The following THADA variants were observed in gnomAD, a reference collection of about 807,000 sequenced individuals.
The protein encoded by THADA is tRNA (32-2'-O)-methyltransferase regulator THADA.
Under a neutral mutation model 219.8 loss-of-function variants are expected in THADA, and 213 were observed. That is an observed-to-expected ratio of 0.97 (90% CI 0.87 to 1.09). THADA has a LOEUF of 1.09. THADA is among the 50% of genes least tolerant of loss of function. THADA has a pLI of 0.00. For synonymous variants in THADA, 1,018 were observed against 828.9 expected, an observed-to-expected ratio of 1.23 and a Z score of -3.92; for missense variants, 2,956 against 2,311.3, an observed-to-expected ratio of 1.28 and a Z score of -5.72.
At chr2:43,512,480 C>A (rs2105110571) in intron 22 of THADA, among the ~76,000 whole-genome samples, 1 of 152,264 alleles carries the variant, frequency 6.6e-6, no homozygotes, top group African/African-American at 2.4e-5. Context: ...AATCTACTTA[C>A]AAGTTTTTTG....
At chr2:43,448,307 A>G (rs572451736) in intron 26 of THADA, among the ~76,000 whole-genome samples, 10 of 152,302 alleles carry the variant, frequency 6.6e-5, no homozygotes, top group African/African-American at 1.7e-4. Flanking sequence ...CAGCTAACCA[A>G]TCCCTAGCCT....
intron 28 of THADA, among the ~76,000 whole-genome samples, chr2:43,399,715 C>A (rs962358614): frequency 8.5e-5 from 13 of 152,236 alleles, no homozygotes; most frequent in African/African-American, 3.1e-4. Flanking sequence ...ACAGTTCCCA[C>A]AACTCATCCT....
intron 29 of THADA, among the ~76,000 whole-genome samples, chr2:43,346,965 C>T (rs1161878732): frequency 6.6e-6 from 1 of 152,172 alleles, no homozygotes; most frequent in Non-Finnish European, 1.5e-5. Flanking sequence ...TATATTCACT[C>T]CTTTAGGACA....
intron 25 of THADA, among the ~76,000 whole-genome samples, chr2:43,487,208 C>T (rs1558840573): frequency 6.6e-6 from 1 of 152,058 alleles, no homozygotes; most frequent in Non-Finnish European, 1.5e-5. Flanking sequence ...TGAGGTAGTT[C>T]CCAAAGACTT....
chr2:43,298,701 G>A (rs1291087286), intron 31 of THADA, among the ~76,000 whole-genome samples: 1 of 152,136 alleles, frequency 6.6e-6, no homozygotes, highest in African/African-American at 2.4e-5. Context: ...CTGGACTTGA[G>A]AGTTGGACAC....
chr2:43,590,733 T>C, intron 4 of THADA, 91 bp downstream of exon 4: 1 of 1,381,934 alleles, frequency 7.2e-7, no homozygotes, highest in Non-Finnish European at 1.0e-6. Flanking sequence ...TCTGTATCAG[T>C]TCAGTTTTAT....
At chr2:43,491,454 T>C (rs17334980) in intron 25 of THADA, among the ~76,000 whole-genome samples, 30,562 of 152,084 alleles carry the variant, frequency 0.2, 3,678 homozygotes, top group Non-Finnish European at 0.28. Flanking sequence ...GAAATGATAA[T>C]AGCTGTAATG....
At chr2:43,536,230 G>C (rs926690309) in intron 21 of THADA, among the ~76,000 whole-genome samples, 1 of 152,130 alleles carries the variant, frequency 6.6e-6, no homozygotes, top group Admixed American at 6.5e-5. Flanking sequence ...ATGAGAGTTC[G>C]TGGAGCCTTT....
chr2:43,383,623 G>C (rs1173755971), intron 29 of THADA, among the ~76,000 whole-genome samples: 1 of 152,126 alleles, frequency 6.6e-6, no homozygotes, highest in Non-Finnish European at 1.5e-5. Flanking sequence ...GTTTAACTGG[G>C]GATCTTGTGA....
chr2:43,534,420 G>C (rs1409040379), intron 21 of THADA, among the ~76,000 whole-genome samples: 5 of 152,042 alleles, frequency 3.3e-5, no homozygotes, highest in Non-Finnish European at 7.4e-5. Context: ...GAACACTAGA[G>C]CTTATTCTTC....
chr2:43,421,887 C>A (rs1677763874), intron 28 of THADA, among the ~76,000 whole-genome samples: 1 of 152,154 alleles, frequency 6.6e-6, no homozygotes, highest in Non-Finnish European at 1.5e-5. Context: ...GAATGGCATC[C>A]CAACTTCTTT....
chr2:43,297,596 T>C (rs1485982231), intron 31 of THADA, among the ~76,000 whole-genome samples: 1 of 70,082 alleles, frequency 1.4e-5, no homozygotes, highest in Non-Finnish European at 2.6e-5. Flanking sequence ...GGGAGGGAGG[T>C]GGGGGGGTCA....
At chr2:43,559,752 C>T (rs1240064143) in intron 16 of THADA, among the ~76,000 whole-genome samples, 2 of 152,192 alleles carry the variant, frequency 1.3e-5, no homozygotes, top group Admixed American at 6.5e-5. Context: ...CTCAAGTACT[C>T]GGTAAGTTTC....
intron 26 of THADA, among the ~76,000 whole-genome samples, chr2:43,445,945 G>A (rs1681473301): frequency 6.6e-6 from 1 of 152,194 alleles, no homozygotes; most frequent in African/African-American, 2.4e-5. Flanking sequence ...AGACAGGGAA[G>A]TGAAAGGTCT....
rs567564844 is a variant in THADA, at chr2:43,499,458, C to T, written c.3622-503G>A. On this transcript the variant is annotated intron_variant, in intron 24 of 37. Transcript: ENST00000405975. ...ATGGCACAGTCTCGGCTCACTACAACCTCCACCTCCCAGGTTCAAGCGATT... is the reference window on the plus strand; with the variant it reads ...ATGGCACAGTCTCGGCTCACTACAATCTCCACCTCCCAGGTTCAAGCGATT... Among the ~76,000 whole-genome samples, 25 of 152,268 alleles carry T rather than the reference C, an allele frequency of 1.6e-4. No homozygotes were observed. The South Asian group carries it at 5.0e-3, about 30-fold the overall frequency.
intron 29 of THADA, among the ~76,000 whole-genome samples, chr2:43,368,410 G>A (rs1321010119): frequency 1.3e-5 from 2 of 151,964 alleles, no homozygotes; most frequent in African/African-American, 2.4e-5. Flanking sequence ...ATACCACTTT[G>A]TTTTGAAAGA....
chr2:43,415,168 A>G (rs1676779860), intron 28 of THADA, among the ~76,000 whole-genome samples: 2 of 152,344 alleles, frequency 1.3e-5, no homozygotes, highest in Admixed American at 1.3e-4. Flanking sequence ...ATAACTTTTA[A>G]GTAATTTATG....
intron 26 of THADA, among the ~76,000 whole-genome samples, chr2:43,454,288 C>G (rs1682716872): frequency 1.3e-5 from 2 of 152,034 alleles, no homozygotes; most frequent in African/African-American, 4.8e-5. Flanking sequence ...CATTCTAGAC[C>G]TTTTCTATGC....
At chr2:43,410,840 CAT>C (rs1461528067) in intron 28 of THADA, among the ~76,000 whole-genome samples, 1 of 152,132 alleles carries the variant, frequency 6.6e-6, no homozygotes, top group Non-Finnish European at 1.5e-5. Flanking sequence ...ACACTTTAAA[CAT>C]GTGCAGTTTA....
Sources: allele counts gnomAD v4.1 joint callset (sites outside exome capture counted in the v4.1 genomes callset), GRCh38; gene constraint gnomAD v4.1.1; transcripts MANE v1.5; gene names NCBI Gene and HGNC (gene_info 2026-07-23, HGNC 2026-07-21).